Variants in AQP4 observed in about 807,000 individuals in gnomAD.
The protein encoded by AQP4 is aquaporin-4.
In AQP4, 18 loss-of-function variants were observed where a neutral mutation model predicts 27.8. The ratio of observed to expected loss-of-function variants is 0.65; its 90% CI spans 0.45 to 0.96. AQP4 has a LOEUF of 0.96. Among genes scored for constraint, AQP4 ranks in the 40% least tolerant of loss-of-function variants. The pLI, the probability that AQP4 is intolerant of heterozygous loss-of-function variation, is 0.00. For synonymous variants in AQP4, 141 were observed against 142.9 expected, an observed-to-expected ratio of 0.99 and a Z score of 0.10; for missense variants, 412 against 408.2, an observed-to-expected ratio of 1.01 and a Z score of -0.08.
chr18:26,862,472 G>T lies in AQP4; in HGVS notation c.157C>A (p.Leu53Met), dbSNP rs55839024. The T allele has an allele frequency of 1.2e-6, 2 of 1,614,200 alleles. No individual in the cohort carries two copies. The highest frequency in any genetic ancestry group is 2.2e-5 in the East Asian group (1 of 44,896). ...LAMLIFVLLSLGSTINWGGTE... is the reference protein window; with the variant it reads ...LAMLIFVLLSMGSTINWGGTE... ...CCACCCCAGTTGATGGTGGATCCCAGGCTGAGGAGAACAAAAATAAGCATG... is the reference window on the plus strand; with the variant it reads ...CCACCCCAGTTGATGGTGGATCCCATGCTGAGGAGAACAAAAATAAGCATG... Residue 53 changes from leucine (L) to methionine (M), a missense_variant, in exon 2 of 5, where the codon CTG becomes ATG. By Grantham distance (15) the Leu-to-Met change is conservative. Transcript: ENST00000383168.
chr18:26,865,525 C>T (rs572606153), intron 1 of AQP4, 133 bp downstream of exon 1: 1 of 1,137,626 alleles, frequency 8.8e-7, no homozygotes, highest in Non-Finnish European at 1.3e-6. Context: ...GTACTCAGAT[C>T]TAAAAGAACC....
intron 1 of AQP4, chr18:26,863,290 A>G (rs545262719): frequency 3.3e-5 from 5 of 153,740 alleles, no homozygotes; most frequent in Admixed American, 1.9e-4. Flanking sequence ...GAGCCTGCCC[A>G]AGGGACACGC....
rs1032968812 is a variant in AQP4, at chr18:26,853,348, T to G, written c.*2863A>C. Reference sequence around the variant, plus strand: ...GGTTAAGGCTCTTTGAAGAAAATGTTATCTTCAACAATGGAAACATACATT... The same window carrying G: ...GGTTAAGGCTCTTTGAAGAAAATGTGATCTTCAACAATGGAAACATACATT... On this transcript the variant is annotated 3_prime_UTR_variant, in exon 5 of 5. Coordinates refer to ENST00000383168, the MANE Select transcript of AQP4 (RefSeq NM_001650.7). 1 of 153,496 alleles carries G rather than the reference T, an allele frequency of 6.5e-6. No individual in the cohort carries two copies. The highest frequency in any genetic ancestry group is 6.5e-5 in the Admixed American group (1 of 15,324). The allele number at this position is 153,496 out of a possible 1,614,324, so 9.5% of individuals were successfully genotyped here. A position where few individuals can be genotyped will look rare whatever the true frequency, so the allele number is the denominator to read the frequency against.
At position 26,856,454 on chromosome 18, in the gene AQP4, G is replaced by C; in HGVS notation, c.729C>G (p.Leu243=). ...AGACATACTCATAAAGGCCACCAGC[G>C]AGGACAGCTCCTATGATGGGCCCAA... The part of the protein sequence containing the change: ...YWVGPIIGAV[L]AGGLYEYVFC... Residue 243 remains leucine, a synonymous_variant, in exon 5 of 5, where the codon CTC becomes CTG. Transcript: ENST00000383168. The C allele has an allele frequency of 6.2e-7, 1 of 1,614,200 alleles. No individual in the cohort carries two copies.
chr18:26,862,006 T>C, intron 2 of AQP4, 176 bp downstream of exon 2: 1 of 748,072 alleles, frequency 1.3e-6, no homozygotes. Flanking sequence ...CAATGATTTC[T>C]TACAGATATA....
chr18:26,863,567 C>T (rs1451893078), intron 1 of AQP4, among the ~76,000 whole-genome samples: 2 of 152,290 alleles, frequency 1.3e-5, no homozygotes, highest in Non-Finnish European at 1.5e-5. Flanking sequence ...GTGCCCGACC[C>T]TCTCTCACCC....
chr18:26,865,331 T>A (rs577647188), intron 1 of AQP4: 1 of 451,686 alleles, frequency 2.2e-6, no homozygotes, highest in Non-Finnish European at 4.1e-6. Flanking sequence ...ACACTCAGCT[T>A]CATCCACTCC....
At chr18:26,864,233 G>A (rs2055014764) in intron 1 of AQP4, among the ~76,000 whole-genome samples, 1 of 152,164 alleles carries the variant, frequency 6.6e-6, no homozygotes, top group South Asian at 2.1e-4. Context: ...GAATGTTCCC[G>A]GGAACCTGCT....
At chr18:26,865,258 T>A in intron 1 of AQP4, 1 of 325,946 alleles carries the variant, frequency 3.1e-6, no homozygotes, top group South Asian at 2.9e-5. Context: ...GATTTGCTTC[T>A]TTTGCCCCAG....
At chr18:26,863,522 G>T (rs1353330922) in intron 1 of AQP4, among the ~76,000 whole-genome samples, 1 of 152,148 alleles carries the variant, frequency 6.6e-6, no homozygotes, top group Admixed American at 6.5e-5. Context: ...TGGGAGTGGG[G>T]GATGCTTTTA....
chr18:26,859,496 G>A (rs1598513430), intron 4 of AQP4, among the ~76,000 whole-genome samples: 1 of 152,280 alleles, frequency 6.6e-6, no homozygotes, highest in South Asian at 2.1e-4. Flanking sequence ...ACTCCAGCCT[G>A]GGCAACAGAG....
At chr18:26,861,412 AC>A in intron 2 of AQP4, 117 bp from the exon 3 acceptor site, 2 of 984,552 alleles carry the variant, frequency 2.0e-6, no homozygotes, top group Non-Finnish European at 3.1e-6. Flanking sequence ...TAAGTCTTCT[AC>A]CCCACCTTCA....
At chr18:26,860,662 GT>G (rs1243982128) in intron 4 of AQP4, 109 bp downstream of exon 4, 1 of 942,214 alleles carries the variant, frequency 1.1e-6, no homozygotes, top group Non-Finnish European at 1.7e-6. Context: ...GAGGGTCAAG[GT>G]TGGAGAAATG....
chr18:26,856,558 G>A, intron 4 of AQP4, 69 bp from the exon 5 acceptor site: 1 of 1,541,004 alleles, frequency 6.5e-7, no homozygotes, highest in Admixed American at 1.7e-5. Context: ...GCTCATGAAT[G>A]TAGAATCTAG....
At chr18:26,861,401 G>GT in intron 2 of AQP4, 106 bp from the exon 3 acceptor site, 2 of 1,157,908 alleles carry the variant, frequency 1.7e-6, no homozygotes, top group Non-Finnish European at 2.5e-6. Flanking sequence ...AAAAGTAAAG[G>GT]TAAGTCTTCT....
intron 4 of AQP4, 102 bp from the exon 5 acceptor site, chr18:26,856,591 TTG>T: frequency 2.2e-6 from 3 of 1,341,832 alleles, no homozygotes; most frequent in Non-Finnish European, 3.1e-6. Flanking sequence ...AAGAGTGTAT[TTG>T]TGTCATGCAT....
intron 1 of AQP4, among the ~76,000 whole-genome samples, chr18:26,864,531 CAA>C (rs2055021104): frequency 6.6e-6 from 1 of 152,114 alleles, no homozygotes; most frequent in East Asian, 1.9e-4. Flanking sequence ...TGTAAAGAGA[CAA>C]AAACGATGGT....
In AQP4 at chr18:26,853,558, T is replaced by C. The variant is rs1221495782; in HGVS notation, c.*2653A>G. On this transcript the variant is annotated 3_prime_UTR_variant, in exon 5 of 5. Coordinates refer to ENST00000383168, the MANE Select transcript of AQP4 (RefSeq NM_001650.7). ...TGTTTCATGGCTGGGTATAATTCATTTATGTCTTCCCAGTTTTTCCTCTCT... is the reference window on the plus strand; with the variant it reads ...TGTTTCATGGCTGGGTATAATTCATCTATGTCTTCCCAGTTTTTCCTCTCT... 5.9e-5 allele frequency: 9 copies of C among 152,326 alleles called. No individual in the cohort carries two copies. The highest frequency in any genetic ancestry group is 1.3e-4 in the Admixed American group (2 of 15,272). 9.4% of individuals were successfully genotyped at this position (152,326 alleles called of 1,614,324 possible).
intron 1 of AQP4, chr18:26,862,883 GA>G (rs781180144): frequency 6.2e-5 from 29 of 467,698 alleles, no homozygotes; most frequent in Non-Finnish European, 1.1e-4. Context: ...AAAATATTAA[GA>G]ATAAAATATA....
Sources: allele counts gnomAD v4.1 joint callset (sites outside exome capture counted in the v4.1 genomes callset), GRCh38; gene constraint gnomAD v4.1.1; transcripts MANE v1.5; gene names NCBI Gene and HGNC (gene_info 2026-07-23, HGNC 2026-07-21).